Variants in CACNA2D4 observed in about 807,000 individuals in gnomAD.
CACNA2D4 encodes voltage-dependent calcium channel subunit alpha-2/delta-4.
Under a neutral mutation model 163.8 loss-of-function variants are expected in CACNA2D4, and 157 were observed. The ratio of observed to expected loss-of-function variants is 0.96; its 90% confidence interval spans 0.84 to 1.09. The LOEUF (loss-of-function observed/expected upper bound fraction) is 1.09. CACNA2D4 is among the 50% of genes least tolerant of loss of function. The pLI is 0.00. For missense variants in CACNA2D4, 1,410 were observed against 1,479.9 expected, an observed-to-expected ratio of 0.95 and a Z score of 0.78; for synonymous variants, 598 against 586.9, an observed-to-expected ratio of 1.02 and a Z score of -0.27.
Position 1,834,737 on chromosome 12 carries a change from C to A in CACNA2D4, c.2551+6002G>T. On this transcript the variant is annotated intron_variant, in intron 26 of 37. Coordinates refer to ENST00000382722, the MANE Select transcript of CACNA2D4 (RefSeq NM_172364.5). The surrounding 1 kb of genome is among the most constrained non-coding windows in gnomAD (Gnocchi z 7.6). ...TGTGGCCTGAGCGCCCATCCCCACCCGGCCAGGTAGGAAGGGCGGGGAGAG... is the reference window on the plus strand; with the variant it reads ...TGTGGCCTGAGCGCCCATCCCCACCAGGCCAGGTAGGAAGGGCGGGGAGAG... The A allele has an allele frequency of 6.4e-7, 1 of 1,571,332 alleles. No homozygotes were observed. The highest frequency in any genetic ancestry group is 1.1e-5 in the South Asian group (1 of 87,344).
intron 3 of CACNA2D4, among the ~76,000 whole-genome samples, chr12:1,911,847 C>T (rs1462631501): frequency 1.3e-5 from 2 of 152,204 alleles, no homozygotes; most frequent in Non-Finnish European, 2.9e-5. Flanking sequence ...TTACACAACG[C>T]TCACTGATTG....
At position 1,800,689 on chromosome 12, in the gene CACNA2D4, C is replaced by G. The variant is rs1863286362; in HGVS notation, c.2869-251G>C. 6.7e-6 allele frequency: 4 copies of G among 595,290 alleles called. No individual in the cohort carries two copies. In the East Asian group the frequency reaches 1.1e-4, roughly 17 times the overall value. 36.9% of individuals were successfully genotyped at this position (595,290 alleles called of 1,614,324 possible). A position where few individuals can be genotyped will look rare whatever the true frequency, so the allele number is the denominator to read the frequency against. On this transcript the variant is annotated intron_variant, in intron 31 of 37. Transcript: ENST00000382722. ...CTCGGGTGGGGTTGGACATGCCCCT[C>G]CAGGAGACGAGTCAAGCCCTCATCC... is the stretch of plus-strand genomic sequence containing the variant.
intron 6 of CACNA2D4, among the ~76,000 whole-genome samples, chr12:1,896,902 T>A (rs1866421579): frequency 6.6e-6 from 1 of 152,116 alleles, no homozygotes; most frequent in South Asian, 2.1e-4. Flanking sequence ...TCAATCTAAG[T>A]GTCCATCAAA....
At chr12:1,895,216 G>GA (rs528684499) in intron 6 of CACNA2D4, among the ~76,000 whole-genome samples, 1 of 152,114 alleles carries the variant, frequency 6.6e-6, no homozygotes, top group Non-Finnish European at 1.5e-5. Context: ...CAAAACTGAT[G>GA]AAAAAAATTG....
In CACNA2D4 at chr12:1,829,285, G is replaced by A. The variant is rs562582261; in HGVS notation, c.2551+11454C>T. Among the ~76,000 whole-genome samples, 17 of 152,196 alleles carry A rather than the reference G, an allele frequency of 1.1e-4. No homozygotes were observed. The highest frequency in any genetic ancestry group is 3.9e-4 in the East Asian group (2 of 5,178). ...ATCCTTTTGAGAGGGAGCTGAATGCGTTGGATTTTATTTCCTGGGGAAAGT... is the reference window on the plus strand; with the variant it reads ...ATCCTTTTGAGAGGGAGCTGAATGCATTGGATTTTATTTCCTGGGGAAAGT... On this transcript the variant is annotated intron_variant, in intron 26 of 37. Transcript: ENST00000382722. The surrounding 1 kb of genome is among the most constrained non-coding windows in gnomAD (Gnocchi z 4.2).
chr12:1,827,936 C>G (rs1236970609), intron 26 of CACNA2D4: 1 of 416,120 alleles, frequency 2.4e-6, no homozygotes, highest in Non-Finnish European at 4.2e-6. Flanking sequence ...TCCTCTTCTT[C>G]CCCCACCCAG....
chr12:1,814,334 G>T (rs188940546), intron 26 of CACNA2D4, among the ~76,000 whole-genome samples: 1 of 152,158 alleles, frequency 6.6e-6, no homozygotes, highest in Non-Finnish European at 1.5e-5. Flanking sequence ...CCCCCACTTG[G>T]TTCCATTCCA....
rs369719454 is a variant in CACNA2D4, at chr12:1,834,158, C to T, written c.2551+6581G>A. Reference sequence around the variant, plus strand: ...GGTGATTCCAGGATTGACTACATTGCTGATAAAAACTACCTTCTGGGGCTT... The same window carrying T: ...GGTGATTCCAGGATTGACTACATTGTTGATAAAAACTACCTTCTGGGGCTT... On this transcript the variant is annotated intron_variant, in intron 26 of 37. Transcript: ENST00000382722. The surrounding 1 kb of genome is among the most constrained non-coding windows in gnomAD (Gnocchi z 7.6). The T allele has an allele frequency of 2.3e-5, 29 of 1,264,106 alleles. No homozygotes were observed. The highest frequency in any genetic ancestry group is 1.4e-4 in the Admixed American group (5 of 35,984). 78.3% of individuals were successfully genotyped at this position (1,264,106 alleles called of 1,614,324 possible).
chr12:1,824,264 G>A (rs964607002), intron 26 of CACNA2D4, among the ~76,000 whole-genome samples: 5 of 152,180 alleles, frequency 3.3e-5, no homozygotes, highest in Non-Finnish European at 7.3e-5. Context: ...ATCCCCTGGG[G>A]ATCTTGTTAA....
At position 1,878,327 on chromosome 12, in the gene CACNA2D4, G is replaced by C. The variant is rs990661571; in HGVS notation, c.1707C>G (p.Asp569Glu). ...TNNGYILSHP[D>E]LRPLYREGKK... ...GATCTGTACCTACCAGGGGCCGGAG[G>C]TCGGGATGGGAGAGGATGTAGCCAT... The change falls in exon 16 of 38, where the codon GAC becomes GAG. Residue 569 changes from aspartate to glutamate, a missense_variant. Coordinates refer to ENST00000382722, the MANE Select transcript of CACNA2D4 (RefSeq NM_172364.5). This position sits in a 1 kb window ranked among gnomAD's most constrained non-coding sequence, Gnocchi z 4.6. The C allele has an allele frequency of 6.2e-7, 1 of 1,609,632 alleles. No individual in the cohort carries two copies. The highest frequency in any genetic ancestry group is 1.7e-5 in the Admixed American group (1 of 59,532).
intron 6 of CACNA2D4, among the ~76,000 whole-genome samples, chr12:1,892,053 A>G (rs1866297202): frequency 6.6e-6 from 1 of 152,258 alleles, no homozygotes; most frequent in South Asian, 2.1e-4. Flanking sequence ...CGATTATGAC[A>G]TCAGGACACA....
chr12:1,805,084 T>C (rs1011087879), intron 29 of CACNA2D4, among the ~76,000 whole-genome samples: 2 of 152,178 alleles, frequency 1.3e-5, no homozygotes, highest in African/African-American at 2.4e-5. Flanking sequence ...TGCAGGGGCC[T>C]GACCACCCCA....
chr12:1,834,577 CATG>C lies in CACNA2D4; in HGVS notation c.2551+6159_2551+6161del. 6.2e-7 allele frequency: 1 copy of C among 1,601,210 alleles called. No homozygotes were observed. Among genetic ancestry groups the C allele is most frequent in the Non-Finnish European group, 8.5e-7 (1 of 1,179,916 alleles). On this transcript the variant is annotated intron_variant, in intron 26 of 37. Transcript: ENST00000382722. This position sits in a 1 kb window ranked among gnomAD's most constrained non-coding sequence, Gnocchi z 7.6. ...GGGTCGTGTGCGGCGTCGTCTGCAT[CATG>C]ATGGTGGTGGCCGCTGCCTATGGCT...
At chr12:1,857,779 T>C (rs1025578104) in intron 20 of CACNA2D4, among the ~76,000 whole-genome samples, 1 of 152,182 alleles carries the variant, frequency 6.6e-6, no homozygotes, top group Non-Finnish European at 1.5e-5. Flanking sequence ...TGGGCTGAAT[T>C]GTGTCCCTCA....
intron 18 of CACNA2D4, among the ~76,000 whole-genome samples, chr12:1,871,765 G>A (rs1476721914): frequency 6.6e-6 from 1 of 152,214 alleles, no homozygotes; most frequent in Non-Finnish European, 1.5e-5. Flanking sequence ...ATGTACATGT[G>A]TGCTGCTGCT....
In CACNA2D4 at chr12:1,878,204, A is replaced by T. The variant is rs889417331; in HGVS notation, c.1719+111T>A. The T allele has an allele frequency of 6.6e-6, 8 of 1,208,758 alleles. No homozygotes were observed. The highest frequency in any genetic ancestry group is 9.6e-6 in the Non-Finnish European group (8 of 836,494). The allele number at this position is 1,208,758 out of a possible 1,614,324, so 74.9% of individuals were successfully genotyped here. ...ATACATTTTTTTTCTCATATTACCC[A>T]CTGGGTTCCTAAATGGAGCCCAATG... is the stretch of plus-strand genomic sequence containing the variant. On this transcript the variant is annotated intron_variant, in intron 16 of 37. Coordinates refer to ENST00000382722, the MANE Select transcript of CACNA2D4 (RefSeq NM_172364.5). This position sits in a 1 kb window ranked among gnomAD's most constrained non-coding sequence, Gnocchi z 4.6.
Position 1,797,437 on chromosome 12 carries a change from C to G in CACNA2D4, c.3094G>C (p.Glu1032Gln). The change falls in exon 35 of 38, where the codon GAG becomes CAG. Residue 1032 changes from glutamate (E) to glutamine (Q), a missense_variant. By Grantham distance (29) the Glu-to-Gln change is conservative. Coordinates refer to ENST00000382722, the MANE Select transcript of CACNA2D4 (RefSeq NM_172364.5). ...PAIREANGIV[E>Q]CGPCQKVFVV... Reference sequence around the variant, plus strand: ...TCTTACTTCTGGCAGGGCCCGCACTCCACGATCCCGTTGGCCTCCCGGATG... The same window carrying G: ...TCTTACTTCTGGCAGGGCCCGCACTGCACGATCCCGTTGGCCTCCCGGATG... 4 of 1,560,128 alleles carry G rather than the reference C, an allele frequency of 2.6e-6. No individual in the cohort carries two copies. Among genetic ancestry groups the G allele is most frequent in the Non-Finnish European group, 3.5e-6 (4 of 1,157,448 alleles).
intron 8 of CACNA2D4, 65 bp downstream of exon 8, chr12:1,886,158 C>A: frequency 1.9e-6 from 3 of 1,590,256 alleles, no homozygotes; most frequent in Non-Finnish European, 2.6e-6. Flanking sequence ...TGTGGGTCAC[C>A]TTGGTACCTG....
chr12:1,842,830 G>A (rs1445098516), intron 25 of CACNA2D4, among the ~76,000 whole-genome samples: 4 of 152,226 alleles, frequency 2.6e-5, no homozygotes, highest in Non-Finnish European at 5.9e-5. Flanking sequence ...GCCTCTTTCA[G>A]CCTTGGGGTG....
Sources: allele counts gnomAD v4.1 joint callset (sites outside exome capture counted in the v4.1 genomes callset), GRCh38; gene constraint gnomAD v4.1.1; non-coding constraint Gnocchi (gnomAD v3.1); transcripts MANE v1.5; gene names NCBI Gene and HGNC (gene_info 2026-07-23, HGNC 2026-07-21).